Variants in TXNDC11 observed in about 807,000 individuals in gnomAD.
TXNDC11 encodes thioredoxin domain-containing protein 11.
In TXNDC11, 68 loss-of-function variants were observed where a neutral mutation model predicts 78.0. That is an observed-to-expected ratio of 0.87 (90% CI 0.72 to 1.07). TXNDC11 has a LOEUF of 1.07. Among genes scored for constraint, TXNDC11 ranks in the 50% least tolerant of loss-of-function variants. TXNDC11 has a pLI of 0.00. For synonymous variants in TXNDC11, 571 were observed against 495.2 expected, an observed-to-expected ratio of 1.15 and a Z score of -2.03; for missense variants, 1,389 against 1,221.8, an observed-to-expected ratio of 1.14 and a Z score of -2.04.
chr16:11,734,063 A>T lies in TXNDC11; in HGVS notation c.488T>A (p.Ile163Asn). ...TTTCCCCTGGTTCCACCAACAGTTA[A>T]TTGCCACAAACAACACCTGCAGAGC... is the stretch of plus-strand genomic sequence containing the variant. ...RLSDQVLFVA[I>N]NCWWNQGKCR... Residue 163 changes from isoleucine to asparagine, a missense_variant, in exon 3 of 12, where the codon ATT becomes AAT. Transcript: ENST00000283033. 6.2e-7 allele frequency: 1 copy of T among 1,601,550 alleles called. No homozygotes were observed. The highest frequency in any genetic ancestry group is 8.5e-7 in the Non-Finnish European group (1 of 1,177,386).
chr16:11,741,030 T>C (rs904090559), intron 1 of TXNDC11, among the ~76,000 whole-genome samples: 2 of 152,136 alleles, frequency 1.3e-5, no homozygotes, highest in Non-Finnish European at 2.9e-5. Context: ...GGGATGCTGC[T>C]AGACATCCTA....
At chr16:11,683,942 G>C (rs1426192556) in intron 11 of TXNDC11, among the ~76,000 whole-genome samples, 4 of 151,836 alleles carry the variant, frequency 2.6e-5, no homozygotes, top group African/African-American at 9.7e-5. Context: ...GTACTGATGG[G>C]GTTTCACCAT....
rs961603310 is a variant in TXNDC11 at position 11,679,105 on chromosome 16, CTTTA to C, written c.*86_*89del. 18 of 1,370,638 alleles carry C rather than the reference CTTTA, an allele frequency of 1.3e-5. No individual in the cohort carries two copies. The Admixed American group carries it at 4.2e-4, about 32-fold the overall frequency. The allele number at this position is 1,370,638 out of a possible 1,614,324, so 84.9% of individuals were successfully genotyped here. ...TGATTTTCTAGACCACTGAGAAAAT[CTTTA>C]TTTACAATAAATTTCAATAAAATTT... On this transcript the variant is annotated 3_prime_UTR_variant, in exon 12 of 12. Coordinates refer to ENST00000283033, the MANE Select transcript of TXNDC11 (RefSeq NM_015914.7). The surrounding 1 kb of genome is among the most constrained non-coding windows in gnomAD (Gnocchi z 4.6).
chr16:11,705,611 G>A (rs1210953404), intron 5 of TXNDC11, among the ~76,000 whole-genome samples: 2 of 152,284 alleles, frequency 1.3e-5, no homozygotes, highest in South Asian at 2.1e-4. Context: ...AAGTTAAAAG[G>A]GGCCATTCAA....
intron 4 of TXNDC11, among the ~76,000 whole-genome samples, chr16:11,726,722 A>G (rs572182395): frequency 1.3e-5 from 2 of 152,302 alleles, no homozygotes; most frequent in East Asian, 3.9e-4. Flanking sequence ...CTAACAATAG[A>G]ATAAGCATAC....
intron 11 of TXNDC11, among the ~76,000 whole-genome samples, chr16:11,681,595 G>A (rs902847160): frequency 6.6e-6 from 1 of 152,290 alleles, no homozygotes; most frequent in African/African-American, 2.4e-5. Flanking sequence ...GGGAGTGGCA[G>A]GGCACACCTC....
At chr16:11,700,149 ATTC>A (rs2050971137) in intron 6 of TXNDC11, among the ~76,000 whole-genome samples, 1 of 152,246 alleles carries the variant, frequency 6.6e-6, no homozygotes, top group Admixed American at 6.5e-5. Context: ...CAGAGTAACA[ATTC>A]TTCAAGAGAG....
At chr16:11,703,348 T>C (rs1342720835) in intron 5 of TXNDC11, among the ~76,000 whole-genome samples, 1 of 152,234 alleles carries the variant, frequency 6.6e-6, no homozygotes, top group Non-Finnish European at 1.5e-5. Context: ...TCTGAAACTA[T>C]GAACTTATTT....
At chr16:11,698,016 G>T in intron 7 of TXNDC11, 109 bp downstream of exon 7, 1 of 1,003,002 alleles carries the variant, frequency 1.0e-6, no homozygotes, top group Non-Finnish European at 1.5e-6. Context: ...GCTGCCCCTC[G>T]TGGCAGCCAT....
intron 7 of TXNDC11, among the ~76,000 whole-genome samples, chr16:11,697,575 A>G (rs529178245): frequency 2.0e-5 from 3 of 152,336 alleles, no homozygotes; most frequent in African/African-American, 7.2e-5. Context: ...AGGCAGGAAC[A>G]GCAGGCTCCG....
At chr16:11,701,302 A>G (rs2051016173) in intron 5 of TXNDC11, among the ~76,000 whole-genome samples, 2 of 151,452 alleles carry the variant, frequency 1.3e-5, no homozygotes, top group South Asian at 4.2e-4. Flanking sequence ...ACACCCAGCT[A>G]ATTTTTGTAT....
chr16:11,715,394 C>T (rs2051498501), intron 5 of TXNDC11, among the ~76,000 whole-genome samples: 1 of 150,556 alleles, frequency 6.6e-6, no homozygotes, highest in African/African-American at 2.4e-5. Flanking sequence ...AATCTGATTG[C>T]TTGAGCCCAT....
intron 7 of TXNDC11, among the ~76,000 whole-genome samples, chr16:11,695,859 C>A (rs2050844357): frequency 6.6e-6 from 1 of 151,918 alleles, no homozygotes; most frequent in African/African-American, 2.4e-5. Flanking sequence ...CATGGCGAAA[C>A]CCCATCTCTA....
chr16:11,734,978 T>A (rs1285022744), intron 2 of TXNDC11, among the ~76,000 whole-genome samples: 1 of 152,188 alleles, frequency 6.6e-6, no homozygotes, highest in African/African-American at 2.4e-5. Context: ...GAGTCGTCCA[T>A]AGCATTCCAG....
At chr16:11,737,211 C>T (rs780284010) in intron 1 of TXNDC11, among the ~76,000 whole-genome samples, 7 of 151,962 alleles carry the variant, frequency 4.6e-5, no homozygotes, top group Non-Finnish European at 8.8e-5. Flanking sequence ...TTTGGGAGGC[C>T]GAGGCAGGCA....
chr16:11,740,915 C>T (rs1389800361), intron 1 of TXNDC11, among the ~76,000 whole-genome samples: 2 of 152,120 alleles, frequency 1.3e-5, no homozygotes, highest in Non-Finnish European at 2.9e-5. Flanking sequence ...ACAGTGGTTC[C>T]CAAGCAGGCA....
Position 11,681,988 on chromosome 16 carries a change from T to C in TXNDC11, c.2235-2151A>G, listed in dbSNP as rs1241047249. ...AATCTCACTCCTCTGAAGTCATCAA[T>C]GTTAACACCTCAACATTTTCCCCTC... On this transcript the variant is annotated intron_variant, in intron 11 of 11. Coordinates refer to ENST00000283033, the MANE Select transcript of TXNDC11 (RefSeq NM_015914.7). Among the ~76,000 whole-genome samples the C allele has an allele frequency of 2.0e-5, 3 of 152,362 alleles. No homozygotes were observed. In the East Asian group the frequency reaches 5.8e-4, roughly 29 times the overall value.
rs1275930361 is a variant in TXNDC11 at position 11,691,579 on chromosome 16, A to G, written c.1611T>C (p.Leu537=). ...GGGCATCAACCTCACATTTCTTCTC[A>G]AGGGAAGAAAATGCAACAGTAGGGG... is the stretch of plus-strand genomic sequence containing the variant. ...FEAPTVAFSS[L]EKKCEVDAPS... The change falls in exon 8 of 12, where the codon CTT becomes CTC. Residue 537 remains leucine, a synonymous_variant. Transcript: ENST00000283033. The G allele has an allele frequency of 1.2e-6, 2 of 1,614,204 alleles. No individual in the cohort carries two copies. The highest frequency in any genetic ancestry group is 1.7e-6 in the Non-Finnish European group (2 of 1,180,032).
At chr16:11,683,379 T>A (rs2050481933) in intron 11 of TXNDC11, among the ~76,000 whole-genome samples, 1 of 152,138 alleles carries the variant, frequency 6.6e-6, no homozygotes. Context: ...TTTGTAGGCC[T>A]CCTGGAATCC....
Sources: gnomAD v4.1 joint callset for allele counts (sites outside exome capture counted in the v4.1 genomes callset) on GRCh38, gnomAD v4.1.1 for gene constraint, Gnocchi (gnomAD v3.1) non-coding constraint, MANE v1.5 for transcripts, NCBI Gene and HGNC (gene_info 2026-07-23, HGNC 2026-07-21) for gene names.